TRIO: variants seen among roughly 807,000 people sequenced by gnomAD.
TRIO encodes trio Rho guanine nucleotide exchange factor.
In TRIO, 58 loss-of-function variants were observed where a neutral mutation model predicts 351.9. The ratio of observed to expected loss-of-function variants is 0.16; its 90% CI spans 0.13 to 0.21. The LOEUF (loss-of-function observed/expected upper bound fraction) is 0.21. TRIO is among the 10% of genes least tolerant of loss of function. TRIO has a pLI of 1.00. For missense variants in TRIO, 3,201 were observed against 4,027.8 expected (o/e 0.79, Z 5.56); for synonymous variants, 1,758 against 1,595.7 (o/e 1.10, Z -2.42).
At chr5:14,222,748 A>G (rs1392519354) in intron 1 of TRIO, among the ~76,000 whole-genome samples, 1 of 152,068 alleles carries the variant, frequency 6.6e-6, no homozygotes, top group Admixed American at 6.5e-5. Flanking sequence ...TCTGAGGGGC[A>G]CCTCCTCTCC....
chr5:14,347,714 C>T (rs1210035350), intron 11 of TRIO, among the ~76,000 whole-genome samples: 1 of 152,184 alleles, frequency 6.6e-6, no homozygotes, highest in Non-Finnish European at 1.5e-5. Context: ...GAGTGGATGA[C>T]GTCAGCAGTG....
chr5:14,147,680 G>GCACA (rs1787597098), intron 1 of TRIO, among the ~76,000 whole-genome samples: 1 of 152,210 alleles, frequency 6.6e-6, no homozygotes, highest in Non-Finnish European at 1.5e-5. Flanking sequence ...TTAGGGAGAA[G>GCACA]CACACATACT....
intron 1 of TRIO, among the ~76,000 whole-genome samples, chr5:14,196,116 A>C (rs1790754159): frequency 2.0e-5 from 3 of 152,264 alleles, no homozygotes; most frequent in Admixed American, 2.0e-4. Context: ...GCTTTTTAAA[A>C]ACATTGCAAA....
intron 1 of TRIO, among the ~76,000 whole-genome samples, chr5:14,258,759 T>C (rs1561261306): frequency 6.6e-6 from 1 of 152,216 alleles, no homozygotes; most frequent in Non-Finnish European, 1.5e-5. Context: ...CCTCTAGCCA[T>C]CCCAGCCTCC....
At chr5:14,502,333 A>G (rs1757354638) in intron 53 of TRIO, among the ~76,000 whole-genome samples, 1 of 152,244 alleles carries the variant, frequency 6.6e-6, no homozygotes. Flanking sequence ...CATCCAAAGT[A>G]TTAGATTTCA....
chr5:14,455,832 C>G (rs1753250379), intron 34 of TRIO, among the ~76,000 whole-genome samples: 1 of 152,276 alleles, frequency 6.6e-6, no homozygotes, highest in South Asian at 2.1e-4. Context: ...CTGGCTTTGC[C>G]TAGTGGATCC....
In TRIO at chr5:14,143,802, C is replaced by T. The variant is rs1179257010; in HGVS notation, c.77C>T (p.Ser26Leu). 6 of 1,048,858 alleles carry T rather than the reference C, an allele frequency of 5.7e-6. No individual in the cohort carries two copies. Among genetic ancestry groups the T allele is most frequent in the African/African-American group, 3.4e-5 (2 of 58,290 alleles). 65.0% of individuals were successfully genotyped at this position (1,048,858 alleles called of 1,614,324 possible). Residue 26 changes from serine to leucine, a missense_variant, in exon 1 of 57, where the codon TCG becomes TTG. Ser to Leu is a moderately radical substitution (Grantham distance 145, BLOSUM62 -2). Coordinates refer to ENST00000344204, the MANE Select transcript of TRIO (RefSeq NM_007118.4). The stretch of plus-strand genomic sequence containing the variant: ...GCCGCGGCGGCCAGCGCGGCTGGCT[C>T]GGGCTGCGGGGGCGGTGCCGGCGAG... ...GPAAAASAAG[S>L]GCGGGAGEGA...
chr5:14,476,961 C>T lies in TRIO; in HGVS notation c.6151C>T (p.His2051Tyr). The change falls in exon 41 of 57, where the codon CAC (histidine) becomes TAC (tyrosine). Residue 2051 changes from histidine (H) to tyrosine (Y), a missense_variant and splice_region_variant. Physicochemically the swap from His to Tyr is moderately conservative, Grantham distance 83. Transcript: ENST00000344204. Reference sequence around the variant, plus strand: ...AAAACTAGGATCCCTTTTTGTTAAACACGTAAGCACAATAGCATTGCTTAT... The same window carrying T: ...AAAACTAGGATCCCTTTTTGTTAAATACGTAAGCACAATAGCATTGCTTAT... ...PEKLGSLFVK[H>Y]ERRLHMYIAY... 1 of 1,613,020 alleles carries T rather than the reference C, an allele frequency of 6.2e-7. No individual in the cohort carries two copies. The highest frequency in any genetic ancestry group is 1.1e-5 in the South Asian group (1 of 90,966).
At chr5:14,469,177 G>A (rs779616927) in intron 37 of TRIO, among the ~76,000 whole-genome samples, 176 of 152,276 alleles carry the variant, frequency 1.2e-3, no homozygotes, top group Non-Finnish European at 2.1e-3. Flanking sequence ...AAAGCAGAAG[G>A]AATGAATTTA....
At chr5:14,378,157 C>T (rs557836178) in intron 20 of TRIO, 30 bp downstream of exon 20, 1 of 1,537,276 alleles carries the variant, frequency 6.5e-7, no homozygotes, top group Non-Finnish European at 8.9e-7. Flanking sequence ...CCAGCCTCCC[C>T]CTAAACTCCC....
At chr5:14,185,411 A>T (rs1790047598) in intron 1 of TRIO, among the ~76,000 whole-genome samples, 1 of 152,158 alleles carries the variant, frequency 6.6e-6, no homozygotes, top group Non-Finnish European at 1.5e-5. Flanking sequence ...CTGTGATGAA[A>T]AACGTGCCCA....
chr5:14,365,890 G>T (rs1579441854), intron 15 of TRIO, among the ~76,000 whole-genome samples: 2 of 152,248 alleles, frequency 1.3e-5, no homozygotes, highest in East Asian at 3.9e-4. Context: ...TCAGGAAGGG[G>T]AACGCATAAT....
intron 10 of TRIO, among the ~76,000 whole-genome samples, chr5:14,334,933 G>A (rs1361230738): frequency 6.6e-6 from 1 of 152,230 alleles, no homozygotes; most frequent in Non-Finnish European, 1.5e-5. Flanking sequence ...ACAGGTGGCA[G>A]CCATAGGAGG....
intron 10 of TRIO, among the ~76,000 whole-genome samples, chr5:14,332,431 G>A (rs934363860): frequency 1.3e-5 from 2 of 152,114 alleles, no homozygotes; most frequent in African/African-American, 4.8e-5. Context: ...TCCATAACAC[G>A]TGGACATACA....
chr5:14,498,356 C>T (rs1033381355), intron 52 of TRIO, 105 bp downstream of exon 52: 28 of 1,524,484 alleles, frequency 1.8e-5, no homozygotes, highest in East Asian at 7.3e-5. Context: ...TGGCTGCCTT[C>T]GGCACTCCAC....
chr5:14,362,824 G>A (rs1261375536), intron 13 of TRIO, among the ~76,000 whole-genome samples: 2 of 152,032 alleles, frequency 1.3e-5, no homozygotes, highest in African/African-American at 2.4e-5. Flanking sequence ...TCTCACGACA[G>A]TTTACTATGC....
chr5:14,405,812 G>A (rs190502595), intron 31 of TRIO, 36 bp from the exon 32 acceptor site: 230 of 1,599,654 alleles, frequency 1.4e-4, no homozygotes, highest in Non-Finnish European at 1.7e-4. Flanking sequence ...GGAAAGGGCC[G>A]TTCCGTATCC....
chr5:14,236,796 C>G (rs952599155), intron 1 of TRIO, among the ~76,000 whole-genome samples: 14 of 152,130 alleles, frequency 9.2e-5, no homozygotes, highest in African/African-American at 3.4e-4. Flanking sequence ...GTTGTGCAGC[C>G]ATCATCGCCA....
intron 2 of TRIO, among the ~76,000 whole-genome samples, chr5:14,278,964 T>C (rs7708252): frequency 0.076 from 11,606 of 152,226 alleles, 1,480 homozygotes; most frequent in African/African-American, 0.27. Context: ...GCATAGTTCC[T>C]TCATCTTTAT....
Sources: allele counts gnomAD v4.1 joint callset (sites outside exome capture counted in the v4.1 genomes callset), GRCh38; gene constraint gnomAD v4.1.1; transcripts MANE v1.5; gene names NCBI Gene and HGNC (gene_info 2026-07-23, HGNC 2026-07-21).